Variants in JMY observed in about 807,000 individuals in gnomAD.
JMY encodes the protein junction-mediating and -regulatory protein.
JMY carries 46 observed loss-of-function variants against 103.3 expected under a neutral mutation model. The observed-to-expected ratio is 0.45, with a 90% CI of 0.35 to 0.57. JMY has a LOEUF of 0.57. Among genes scored for constraint, JMY ranks in the 20% least tolerant of loss-of-function variants. The pLI is 0.00. For synonymous variants in JMY, 526 were observed against 489.3 expected, an observed-to-expected ratio of 1.07 and a Z score of -0.99; for missense variants, 1,238 against 1,255.2, an observed-to-expected ratio of 0.99 and a Z score of 0.21.
intron 1 of JMY, among the ~76,000 whole-genome samples, chr5:79,261,770 G>A (rs951126666): frequency 6.6e-6 from 1 of 152,090 alleles, no homozygotes; most frequent in Non-Finnish European, 1.5e-5. Context: ...GATTACAGGC[G>A]TGCACTACCA....
At position 79,326,381 on chromosome 5, in the gene JMY, A is replaced by C. The variant is rs1289582489; in HGVS notation, c.*4779A>C. 2 of 151,616 alleles carry C rather than the reference A, an allele frequency of 1.3e-5. No individual in the cohort carries two copies. Among genetic ancestry groups the C allele is most frequent in the Non-Finnish European group, 2.9e-5 (2 of 67,900 alleles). 9.4% of individuals were successfully genotyped at this position (151,616 alleles called of 1,614,324 possible). On this transcript the variant is annotated 3_prime_UTR_variant, in exon 11 of 11. Coordinates refer to ENST00000396137, the MANE Select transcript of JMY (RefSeq NM_152405.5). ...TTACTTGCATGTTCTATGGGTAGCT[A>C]TCAAAGGGTGTAACAAATTATTCCA...
At chr5:79,251,356 T>G (rs999887207) in intron 1 of JMY, among the ~76,000 whole-genome samples, 11 of 152,142 alleles carry the variant, frequency 7.2e-5, no homozygotes, top group African/African-American at 2.4e-4. Context: ...CTCAGGCTCC[T>G]GAGTTACTGG....
intron 1 of JMY, among the ~76,000 whole-genome samples, chr5:79,261,350 G>A (rs1055824848): frequency 3.9e-5 from 6 of 151,910 alleles, no homozygotes; most frequent in African/African-American, 1.5e-4. Flanking sequence ...TTTTGTTTGG[G>A]TTATCTTATG....
At chr5:79,293,662 T>G (rs1373215602) in intron 4 of JMY, among the ~76,000 whole-genome samples, 1 of 152,214 alleles carries the variant, frequency 6.6e-6, no homozygotes, top group East Asian at 1.9e-4. Flanking sequence ...TATGCAATTT[T>G]GCACACAATT....
chr5:79,254,955 A>G (rs1006679130), intron 1 of JMY, among the ~76,000 whole-genome samples: 5 of 151,560 alleles, frequency 3.3e-5, no homozygotes, highest in African/African-American at 7.3e-5. Flanking sequence ...CAATATGCCA[A>G]TTGTGTTTTT....
chr5:79,314,631 T>TG lies in JMY; in HGVS notation c.2439_2440insG (p.Pro814AlafsTer17). The TG allele has an allele frequency of 2.0e-6, 2 of 978,608 alleles. No individual in the cohort carries two copies. Among genetic ancestry groups the TG allele is most frequent in the Non-Finnish European group, 3.0e-6 (2 of 674,364 alleles). The allele number at this position is 978,608 out of a possible 1,614,324, so 60.6% of individuals were successfully genotyped here. A position where few individuals can be genotyped will look rare whatever the true frequency, so the allele number is the denominator to read the frequency against. On this transcript the variant is annotated frameshift_variant, in exon 9 of 11. Transcript: ENST00000396137. LOFTEE classifies it high-confidence loss of function. ...CCCCTCTTCCTCCAACACCACCACC[T>TG]CCCCCACCTCCTCCCCCTCCCCCAC...
At position 79,252,508 on chromosome 5, in the gene JMY, T is replaced by G. The variant is rs1157687538; in HGVS notation, c.1032+14826T>G. 2.0e-5 allele frequency among the ~76,000 whole-genome samples: 3 copies of G among 152,238 alleles called. No individual in the cohort carries two copies. The East Asian group carries it at 5.8e-4, about 29-fold the overall frequency. On this transcript the variant is annotated intron_variant, in intron 1 of 10. Coordinates refer to ENST00000396137, the MANE Select transcript of JMY (RefSeq NM_152405.5). The stretch of plus-strand genomic sequence containing the variant: ...GACCTATGATGCAAATTAAGTCCAG[T>G]GTTTCTTTGTTGATTTTCTGTCTGG...
intron 1 of JMY, among the ~76,000 whole-genome samples, chr5:79,264,550 T>C (rs1200740434): frequency 2.0e-5 from 3 of 152,122 alleles, no homozygotes; most frequent in African/African-American, 7.2e-5. Flanking sequence ...GCATAAATCA[T>C]GATTTTTAAA....
chr5:79,299,572 G>A (rs1030870490), intron 4 of JMY, among the ~76,000 whole-genome samples: 1 of 151,850 alleles, frequency 6.6e-6, no homozygotes, highest in Non-Finnish European at 1.5e-5. Flanking sequence ...AGCCTAGGAC[G>A]TTGATTACAT....
At chr5:79,282,407 A>C (rs1483288812) in intron 2 of JMY, among the ~76,000 whole-genome samples, 1 of 152,214 alleles carries the variant, frequency 6.6e-6, no homozygotes, top group Admixed American at 6.5e-5. Context: ...ATCACAATTT[A>C]CATTCAAAAT....
intron 1 of JMY, among the ~76,000 whole-genome samples, chr5:79,248,759 C>T (rs893270414): frequency 6.6e-6 from 1 of 152,020 alleles, no homozygotes; most frequent in Admixed American, 6.6e-5. Context: ...AGAAATCCTA[C>T]ATCTGTATGT....
chr5:79,244,505 A>G (rs945944897), intron 1 of JMY, among the ~76,000 whole-genome samples: 1 of 152,154 alleles, frequency 6.6e-6, no homozygotes, highest in Non-Finnish European at 1.5e-5. Context: ...TATCTTTGCA[A>G]ATTCTCACAT....
chr5:79,312,405 G>T lies in JMY; in HGVS notation c.1971G>T (p.Lys657Asn). ...EYRTHHTVQL[K>N]REKLHDEEER... The stretch of plus-strand genomic sequence containing the variant: ...AATTATTATTAATTTTTTACCAGAA[G>T]AGAGAAAAATTACATGATGAAGAAG... Residue 657 changes from lysine to asparagine, a missense_variant and splice_region_variant, in exon 8 of 11, where the codon AAG becomes AAT. Transcript: ENST00000396137. 1 of 1,538,448 alleles carries T rather than the reference G, an allele frequency of 6.5e-7. No individual in the cohort carries two copies. Among genetic ancestry groups the T allele is most frequent in the South Asian group, 1.3e-5 (1 of 79,146 alleles).
At chr5:79,243,863 G>A (rs969186018) in intron 1 of JMY, among the ~76,000 whole-genome samples, 1 of 152,122 alleles carries the variant, frequency 6.6e-6, no homozygotes, top group Non-Finnish European at 1.5e-5. Flanking sequence ...CTAGTTTAGG[G>A]CTTCTATAAA....
chr5:79,279,040 C>G (rs1416036497), intron 2 of JMY, among the ~76,000 whole-genome samples: 1 of 151,962 alleles, frequency 6.6e-6, no homozygotes, highest in African/African-American at 2.4e-5. Context: ...AAGTATATTA[C>G]AAAAAATTTT....
intron 2 of JMY, among the ~76,000 whole-genome samples, chr5:79,281,976 C>T (rs956146844): frequency 5.3e-5 from 8 of 152,132 alleles, no homozygotes; most frequent in Non-Finnish European, 8.8e-5. Flanking sequence ...GAGGCCGAGG[C>T]GGGCGGATCA....
At chr5:79,240,313 C>T (rs1744694202) in intron 1 of JMY, among the ~76,000 whole-genome samples, 1 of 150,918 alleles carries the variant, frequency 6.6e-6, no homozygotes, top group East Asian at 2.0e-4. Context: ...CGCACCCAGC[C>T]TCCCCCCGCC....
intron 1 of JMY, among the ~76,000 whole-genome samples, chr5:79,265,867 G>A (rs1370660533): frequency 1.4e-5 from 2 of 144,326 alleles, no homozygotes; most frequent in Non-Finnish European, 3.0e-5. Context: ...TGCAACCTCC[G>A]CCTCCCAGGT....
chr5:79,299,985 CAT>C (rs10640258), intron 4 of JMY, among the ~76,000 whole-genome samples, 166 bp from the exon 5 acceptor site: 90 of 149,410 alleles, frequency 6.0e-4, no homozygotes, highest in East Asian at 2.9e-3. Flanking sequence ...CTGTTTTATA[CAT>C]ATATATATAT....
Sources: gnomAD v4.1 joint callset for allele counts (sites outside exome capture counted in the v4.1 genomes callset) on GRCh38, gnomAD v4.1.1 for gene constraint, MANE v1.5 for transcripts, NCBI Gene and HGNC (gene_info 2026-07-23, HGNC 2026-07-21) for gene names.